Variants in KIAA1671 observed in about 807,000 individuals in gnomAD.
The protein encoded by KIAA1671 is KIAA1671.
A neutral mutation model predicts 131.2 loss-of-function variants in KIAA1671; 52 were observed. That is an observed-to-expected ratio of 0.40 (90% CI 0.32 to 0.50). The LOEUF is 0.50. Ranked by LOEUF, KIAA1671 falls within the 20% of genes least tolerant of loss-of-function variation. The probability of loss-of-function intolerance (pLI) is 0.73; values close to 1 mark genes in which losing one functional copy is unlikely to be tolerated. For synonymous variants in KIAA1671, 1,003 were observed against 961.6 expected (o/e 1.04, Z -0.80); for missense variants, 2,360 against 2,364.2 (o/e 1.00, Z 0.04).
At chr22:25,076,724 G>A (rs1929127924) in intron 6 of KIAA1671, among the ~76,000 whole-genome samples, 1 of 152,210 alleles carries the variant, frequency 6.6e-6, no homozygotes, top group Admixed American at 6.5e-5. Flanking sequence ...CTCTCTTGGG[G>A]TTATCAATTA....
chr22:25,052,647 A>C (rs1390722838), intron 6 of KIAA1671: 4 of 152,074 alleles, frequency 2.6e-5, no homozygotes, highest in African/African-American at 4.8e-5. Flanking sequence ...AGCCCAAATG[A>C]GATGATGCTT....
chr22:25,153,527 T>A (rs1451001903), intron 6 of KIAA1671, among the ~76,000 whole-genome samples: 2 of 152,190 alleles, frequency 1.3e-5, no homozygotes, highest in Non-Finnish European at 2.9e-5. Flanking sequence ...TTCTAAAACC[T>A]GAAAAGTCCT....
In KIAA1671 at chr22:25,021,652, C is replaced by G. The variant is rs1040721771; in HGVS notation, c.-207-3981C>G. ...AGCTAGGGCCACAGTCATGAGGATACAGATGAGAGGATGCACATACTCCAG... is the reference window on the plus strand; with the variant it reads ...AGCTAGGGCCACAGTCATGAGGATAGAGATGAGAGGATGCACATACTCCAG... On this transcript the variant is annotated intron_variant, in intron 1 of 12. Coordinates refer to ENST00000358431, the MANE Select transcript of KIAA1671 (RefSeq NM_001145206.2). Among the ~76,000 whole-genome samples the G allele has an allele frequency of 4.6e-5, 7 of 152,232 alleles. No homozygotes were observed. The East Asian group carries it at 1.4e-3, about 29-fold the overall frequency.
At position 25,039,978 on chromosome 22, in the gene KIAA1671, C is replaced by T. The variant is rs1246223021; in HGVS notation, c.2848C>T (p.Arg950Trp). ...MDQRMDRWRR[R>W]TLPPNVKFDT... Reference sequence around the variant, plus strand: ...CCAGAGAATGGACAGATGGCGGCGGCGGACTTTACCCCCCAACGTGAAATT... The same window carrying T: ...CCAGAGAATGGACAGATGGCGGCGGTGGACTTTACCCCCCAACGTGAAATT... The change falls in exon 5 of 13, where the codon CGG becomes TGG. Residue 950 changes from arginine to tryptophan, a missense_variant. Transcript: ENST00000358431. The T allele has an allele frequency of 6.4e-6, 10 of 1,551,042 alleles. No homozygotes were observed. Among genetic ancestry groups the T allele is most frequent in the Admixed American group, 2.0e-5 (1 of 50,962 alleles).
chr22:25,183,211 T>C (rs2146038499), intron 10 of KIAA1671, among the ~76,000 whole-genome samples: 1 of 152,336 alleles, frequency 6.6e-6, no homozygotes, highest in East Asian at 1.9e-4. Flanking sequence ...CTCAACTCTG[T>C]GTATGCCATG....
At chr22:25,130,349 T>G (rs1568971817) in intron 6 of KIAA1671, among the ~76,000 whole-genome samples, 1 of 152,214 alleles carries the variant, frequency 6.6e-6, no homozygotes, top group African/African-American at 2.4e-5. Flanking sequence ...CCTGCTTTTC[T>G]GGCTCTCAAT....
chr22:25,070,475 C>T (rs746936773), intron 6 of KIAA1671: 81 of 426,582 alleles, frequency 1.9e-4, no homozygotes, highest in Non-Finnish European at 2.9e-4. Flanking sequence ...CCCTCTCCTC[C>T]TGCTTCCTGT....
At chr22:25,045,594 A>G (rs1927178219) in intron 5 of KIAA1671, among the ~76,000 whole-genome samples, 3 of 152,274 alleles carry the variant, frequency 2.0e-5, no homozygotes, top group South Asian at 2.1e-4. Flanking sequence ...CTTGTGGCTT[A>G]CTTTTGTTTT....
chr22:25,184,886 C>A (rs1934417623), intron 10 of KIAA1671, 91 bp from the exon 11 acceptor site: 1 of 1,479,032 alleles, frequency 6.8e-7, no homozygotes, highest in Non-Finnish European at 9.2e-7. Flanking sequence ...CGAGTGTTTG[C>A]AGAAGGCTCA....
intron 6 of KIAA1671, among the ~76,000 whole-genome samples, chr22:25,066,799 G>A (rs1928500089): frequency 6.6e-6 from 1 of 152,116 alleles, no homozygotes; most frequent in African/African-American, 2.4e-5. Context: ...CACAGGGTGG[G>A]GTCAAGTGGT....
At position 25,041,221 on chromosome 22, in the gene KIAA1671, C is replaced by G; in HGVS notation, c.4091C>G (p.Pro1364Arg). ...EDPGSGVRVS[P>R]KSPPTDQKKG... ...CCAGGCAGTGGGGTCAGGGTGTCAC[C>G]CAAATCGCCCCCCACTGACCAGAAG... Residue 1364 changes from proline to arginine, a missense_variant, in exon 5 of 13, where the codon CCC becomes CGC. Pro to Arg is a moderately radical substitution (Grantham distance 103). Transcript: ENST00000358431. The G allele has an allele frequency of 6.4e-7, 1 of 1,551,756 alleles. No homozygotes were observed. The highest frequency in any genetic ancestry group is 8.7e-7 in the Non-Finnish European group (1 of 1,147,012).
chr22:25,196,301 A>C lies in KIAA1671; in HGVS notation c.*3900A>C, dbSNP rs1934826012. 6.6e-6 allele frequency: 1 copy of C among 152,104 alleles called. No homozygotes were observed. The highest frequency in any genetic ancestry group is 1.5e-5 in the Non-Finnish European group (1 of 68,040). 9.4% of individuals were successfully genotyped at this position (152,104 alleles called of 1,614,324 possible). On this transcript the variant is annotated 3_prime_UTR_variant, in exon 13 of 13. Coordinates refer to ENST00000358431, the MANE Select transcript of KIAA1671 (RefSeq NM_001145206.2). ...CCGCCCTCCCCTTTGGCCTTCCCAG[A>C]ATCTCCTTCAGTGGTTGCTCTCACA... is the stretch of plus-strand genomic sequence containing the variant.
intron 1 of KIAA1671, among the ~76,000 whole-genome samples, chr22:24,994,004 C>A (rs1011601586): frequency 6.6e-6 from 1 of 152,030 alleles, no homozygotes; most frequent in South Asian, 2.1e-4. Context: ...TCGCTTGAAC[C>A]CAGCAGGTGG....
intron 2 of KIAA1671, among the ~76,000 whole-genome samples, chr22:25,026,506 G>A (rs1209608610): frequency 6.6e-6 from 1 of 152,104 alleles, no homozygotes; most frequent in East Asian, 1.9e-4. Flanking sequence ...TGAGGTGGGC[G>A]GATCCCCTGA....
At chr22:24,998,819 C>A (rs1239280685) in intron 1 of KIAA1671, among the ~76,000 whole-genome samples, 3 of 150,074 alleles carry the variant, frequency 2.0e-5, no homozygotes, top group Admixed American at 1.3e-4. Flanking sequence ...ATGAAACCAT[C>A]CTATGTTGGG....
At chr22:25,093,846 C>CTCTCTCTGTG (rs1930258295) in intron 6 of KIAA1671, among the ~76,000 whole-genome samples, 3 of 94,570 alleles carry the variant, frequency 3.2e-5, no homozygotes, top group Admixed American at 1.1e-4. Flanking sequence ...CTGTCTCTCT[C>CTCTCTCTGTG]TCTCTCTCTC....
intron 1 of KIAA1671, among the ~76,000 whole-genome samples, chr22:24,966,451 G>A (rs1286102533): frequency 1.3e-5 from 2 of 152,194 alleles, no homozygotes; most frequent in Non-Finnish European, 2.9e-5. Flanking sequence ...CAGTGCCCTG[G>A]GCAGGGCTGG....
At chr22:25,158,740 C>T (rs1933330736) in intron 6 of KIAA1671, among the ~76,000 whole-genome samples, 1 of 152,146 alleles carries the variant, frequency 6.6e-6, no homozygotes. Flanking sequence ...TCGGTCTTCT[C>T]ATGCAGAAAG....
chr22:25,093,719 ACACACACACACACACACACT>A (rs1930143602), intron 6 of KIAA1671, among the ~76,000 whole-genome samples: 1 of 104,300 alleles, frequency 9.6e-6, no homozygotes. Flanking sequence ...ACACACACAC[ACACACACACACACACACACT>A]CTCTCTCTCT....
Sources: gnomAD v4.1 joint callset for allele counts (sites outside exome capture counted in the v4.1 genomes callset) on GRCh38, gnomAD v4.1.1 for gene constraint, MANE v1.5 for transcripts, NCBI Gene and HGNC (gene_info 2026-07-23, HGNC 2026-07-21) for gene names.